The following PAPSS1 variants were observed in gnomAD, a reference collection of about 807,000 sequenced individuals.
The protein encoded by PAPSS1 is bifunctional 3'-phosphoadenosine 5'-phosphosulfate synthase 1.
PAPSS1 carries 50 observed loss-of-function variants against 72.0 expected under a neutral mutation model. The observed-to-expected ratio is 0.69, with a 90% CI of 0.55 to 0.88. The LOEUF is 0.88. Ranked by LOEUF, PAPSS1 falls within the 40% of genes least tolerant of loss-of-function variation. PAPSS1 has a pLI of 0.00. For synonymous variants in PAPSS1, 261 were observed against 263.6 expected (o/e 0.99, Z 0.09); for missense variants, 657 against 782.2 (o/e 0.84, Z 1.91).
intron 2 of PAPSS1, among the ~76,000 whole-genome samples, chr4:107,694,545 G>A (rs547569667): frequency 5.9e-5 from 9 of 152,178 alleles, no homozygotes; most frequent in East Asian, 3.9e-4. Context: ...TTGTCCTCTC[G>A]TTACCACTTT....
intron 5 of PAPSS1, among the ~76,000 whole-genome samples, chr4:107,674,191 C>G (rs1366939975): frequency 4.6e-5 from 7 of 152,112 alleles, no homozygotes; most frequent in Non-Finnish European, 1.0e-4. Context: ...CAATATTAGC[C>G]TTAAATGTAA....
intron 5 of PAPSS1, among the ~76,000 whole-genome samples, chr4:107,667,683 AGTTT>A (rs940425849): frequency 2.5e-4 from 38 of 152,350 alleles, no homozygotes; most frequent in African/African-American, 9.1e-4. Flanking sequence ...AAATTTACTT[AGTTT>A]ATTTTAGAAA....
In PAPSS1 at chr4:107,719,865, G is replaced by C. The variant is rs1442711342; in HGVS notation, c.60+255C>G. The C allele has an allele frequency of 2.2e-6, 3 of 1,348,500 alleles. No homozygotes were observed. In the South Asian group the frequency reaches 5.2e-5, roughly 23 times the overall value. 83.5% of individuals were successfully genotyped at this position (1,348,500 alleles called of 1,614,324 possible). On this transcript the variant is annotated intron_variant, in intron 1 of 11. Transcript: ENST00000265174. ...TACCTGAGCGGAGGCGCTGGGGAGGGGGGGCGTTCTTCCCACGAACGGTGG... is the reference window on the plus strand; with the variant it reads ...TACCTGAGCGGAGGCGCTGGGGAGGCGGGGCGTTCTTCCCACGAACGGTGG...
chr4:107,649,507 C>T (rs1304961366), intron 9 of PAPSS1, among the ~76,000 whole-genome samples: 2 of 152,214 alleles, frequency 1.3e-5, no homozygotes, highest in Non-Finnish European at 2.9e-5. Flanking sequence ...TGCTCAAAGC[C>T]TCATCTGAGT....
intron 10 of PAPSS1, among the ~76,000 whole-genome samples, chr4:107,632,674 T>C (rs1726254427): frequency 6.6e-6 from 1 of 152,072 alleles, no homozygotes. Context: ...TAAAAGATCA[T>C]CTCTAGTTCA....
intron 6 of PAPSS1, among the ~76,000 whole-genome samples, chr4:107,657,544 A>G (rs1727052260): frequency 6.6e-6 from 1 of 152,130 alleles, no homozygotes; most frequent in Non-Finnish European, 1.5e-5. Context: ...CAACATGGTG[A>G]AACCCAGTCT....
At chr4:107,676,226 A>G (rs1385517986) in intron 5 of PAPSS1, among the ~76,000 whole-genome samples, 1 of 152,224 alleles carries the variant, frequency 6.6e-6, no homozygotes, top group Non-Finnish European at 1.5e-5. Context: ...TTCAATTAGG[A>G]AAAGAGGAAG....
At chr4:107,674,333 G>C (rs1429191411) in intron 5 of PAPSS1, among the ~76,000 whole-genome samples, 3 of 152,164 alleles carry the variant, frequency 2.0e-5, no homozygotes, top group Admixed American at 2.0e-4. Context: ...AAGGGATGGA[G>C]GAAGATCTAC....
At chr4:107,678,318 G>C (rs938724934) in intron 5 of PAPSS1, among the ~76,000 whole-genome samples, 29 of 152,014 alleles carry the variant, frequency 1.9e-4, no homozygotes, top group Non-Finnish European at 1.8e-4. Flanking sequence ...ATACACAACA[G>C]CAACAGAGTA....
chr4:107,664,541 G>T (rs191351356), intron 5 of PAPSS1, among the ~76,000 whole-genome samples: 9 of 152,230 alleles, frequency 5.9e-5, no homozygotes, highest in Middle Eastern at 3.4e-3. Flanking sequence ...CCACAACACT[G>T]AGGGCACACT....
intron 10 of PAPSS1, among the ~76,000 whole-genome samples, chr4:107,640,373 G>T (rs746507698): frequency 1.3e-5 from 2 of 152,166 alleles, no homozygotes; most frequent in African/African-American, 2.4e-5. Flanking sequence ...AGGCTTAACA[G>T]CTGCCCATGG....
At chr4:107,615,267 C>T (rs1725790839) in intron 11 of PAPSS1, among the ~76,000 whole-genome samples, 1 of 152,124 alleles carries the variant, frequency 6.6e-6, no homozygotes, top group Non-Finnish European at 1.5e-5. Flanking sequence ...TAAATTCATC[C>T]ATCCTCGTCT....
At chr4:107,655,284 GT>G (rs1199464692) in intron 7 of PAPSS1, among the ~76,000 whole-genome samples, 4 of 152,058 alleles carry the variant, frequency 2.6e-5, no homozygotes, top group African/African-American at 9.7e-5. Flanking sequence ...AAAGAACTAC[GT>G]TTCTGGGCCT....
rs74481081 is a variant in PAPSS1, at chr4:107,701,376, A to G, written c.61-91T>C. ...TTGCAAACACACAAAAGTCTATGTA[A>G]CATGCCAAAAGCAAAGAAAAAGATA... On this transcript the variant is annotated intron_variant, in intron 1 of 11. Transcript: ENST00000265174. The G allele has an allele frequency of 1.1e-5, 9 of 796,338 alleles. No individual in the cohort carries two copies. The African/African-American group carries it at 1.6e-4, about 14-fold the overall frequency. 49.3% of individuals were successfully genotyped at this position (796,338 alleles called of 1,614,324 possible). A position where few individuals can be genotyped will look rare whatever the true frequency, so the allele number is the denominator to read the frequency against.
chr4:107,709,012 T>C (rs1723418790), intron 1 of PAPSS1, among the ~76,000 whole-genome samples: 1 of 152,228 alleles, frequency 6.6e-6, no homozygotes. Context: ...CTCACTTCCA[T>C]TTTCTGTGCA....
intron 8 of PAPSS1, among the ~76,000 whole-genome samples, chr4:107,654,391 G>GA (rs1271522732): frequency 1.3e-5 from 2 of 152,146 alleles, no homozygotes; most frequent in African/African-American, 4.8e-5. Context: ...AGCACACGAC[G>GA]AGATTGTATA....
At chr4:107,621,385 T>A (rs1725949908) in intron 11 of PAPSS1, among the ~76,000 whole-genome samples, 1 of 152,174 alleles carries the variant, frequency 6.6e-6, no homozygotes, top group Non-Finnish European at 1.5e-5. Flanking sequence ...TAGATTAATG[T>A]ATAAAGAGAA....
At position 107,706,433 on chromosome 4, in the gene PAPSS1, C is replaced by G. The variant is rs577399753; in HGVS notation, c.61-5148G>C. Among the ~76,000 whole-genome samples, 89 of 152,156 alleles carry G rather than the reference C, an allele frequency of 5.8e-4. 1 individual carries two copies. Among genetic ancestry groups the G allele is most frequent in the Admixed American group, 2.4e-3 (37 of 15,294 alleles). The stretch of plus-strand genomic sequence containing the variant: ...TCTCTATTGCATTTTTCATTTTATT[C>G]ATTAAATTTTTCAGCTCTAGAATTT... On this transcript the variant is annotated intron_variant, in intron 1 of 11. Transcript: ENST00000265174.
intron 9 of PAPSS1, among the ~76,000 whole-genome samples, chr4:107,651,693 C>T (rs1345179353): frequency 6.6e-6 from 1 of 152,130 alleles, no homozygotes. Flanking sequence ...AAGCCACCCC[C>T]ATGATTCAAT....
Sources: gnomAD v4.1 joint callset for allele counts (sites outside exome capture counted in the v4.1 genomes callset) on GRCh38, gnomAD v4.1.1 for gene constraint, MANE v1.5 for transcripts, NCBI Gene and HGNC (gene_info 2026-07-23, HGNC 2026-07-21) for gene names.